The following ESRRB variants were observed in gnomAD, a reference collection of about 807,000 sequenced individuals.
ESRRB encodes steroid hormone receptor ERR2.
Under a neutral mutation model 46.0 loss-of-function variants are expected in ESRRB, and 16 were observed. That is an observed-to-expected ratio of 0.35 (90% CI 0.24 to 0.53). The LOEUF (loss-of-function observed/expected upper bound fraction) is 0.53, where lower values mean the gene tolerates loss of function less well. Ranked by LOEUF, ESRRB falls within the 20% of genes least tolerant of loss-of-function variation. The probability of loss-of-function intolerance (pLI) is 0.93; values close to 1 mark genes in which losing one functional copy is unlikely to be tolerated. For synonymous variants in ESRRB, 246 were observed against 259.6 expected, an observed-to-expected ratio of 0.95 and a Z score of 0.50; for missense variants, 488 against 607.4, an observed-to-expected ratio of 0.80 and a Z score of 2.07.
intron 3 of ESRRB, among the ~76,000 whole-genome samples, chr14:76,477,184 G>A (rs1334534670): frequency 1.3e-5 from 2 of 152,198 alleles, no homozygotes; most frequent in African/African-American, 4.8e-5. Context: ...TGTGTCACAG[G>A]ACCCTCCCAC....
intron 6 of ESRRB, among the ~76,000 whole-genome samples, chr14:76,492,708 A>G (rs1365066301): frequency 6.6e-6 from 1 of 152,230 alleles, no homozygotes; most frequent in African/African-American, 2.4e-5. Context: ...TTTCTTGAAC[A>G]CAGGAGGATA....
intron 1 of ESRRB, among the ~76,000 whole-genome samples, chr14:76,399,539 T>C (rs1885846577): frequency 6.6e-6 from 1 of 152,196 alleles, no homozygotes; most frequent in Non-Finnish European, 1.5e-5. Flanking sequence ...GCAAGTCTCC[T>C]TCCATTCCGG....
chr14:76,462,191 G>A (rs1888895143), intron 2 of ESRRB, among the ~76,000 whole-genome samples: 1 of 150,852 alleles, frequency 6.6e-6, no homozygotes, highest in African/African-American at 2.4e-5. Context: ...TGGTGGTAGT[G>A]GTGGTCTGCA....
chr14:76,339,703 C>A (rs1566855732), intron 1 of ESRRB, among the ~76,000 whole-genome samples: 2 of 152,178 alleles, frequency 1.3e-5, no homozygotes, highest in Non-Finnish European at 2.9e-5. Flanking sequence ...TGGAGCCGAC[C>A]CAGGCTGGGG....
At chr14:76,436,184 C>T (rs974586968) in intron 1 of ESRRB, among the ~76,000 whole-genome samples, 3 of 152,196 alleles carry the variant, frequency 2.0e-5, no homozygotes, top group African/African-American at 7.2e-5. Flanking sequence ...CAAACCGCCG[C>T]CTGCTCTGGT....
At chr14:76,467,651 T>G (rs1889175917) in intron 3 of ESRRB, among the ~76,000 whole-genome samples, 1 of 152,120 alleles carries the variant, frequency 6.6e-6, no homozygotes, top group African/African-American at 2.4e-5. Context: ...GTGGGAATCT[T>G]AAAAGACGGC....
chr14:76,377,646 A>T (rs1257134023), intron 1 of ESRRB, among the ~76,000 whole-genome samples: 1 of 151,798 alleles, frequency 6.6e-6, no homozygotes, highest in African/African-American at 2.4e-5. Context: ...CCGTGCTTTC[A>T]TTTGTGTACC....
At chr14:76,495,781 G>A (rs1399654380) in intron 6 of ESRRB, among the ~76,000 whole-genome samples, 1 of 152,030 alleles carries the variant, frequency 6.6e-6, no homozygotes, top group African/African-American at 2.4e-5. Context: ...AAAACCAGAT[G>A]TACAAAACAT....
chr14:76,473,408 C>T (rs1730550936), intron 3 of ESRRB, among the ~76,000 whole-genome samples: 1 of 152,212 alleles, frequency 6.6e-6, no homozygotes, highest in Non-Finnish European at 1.5e-5. Flanking sequence ...ATCTTGACCT[C>T]AGACCTGGAT....
At chr14:76,337,520 C>T (rs1185514397) in intron 1 of ESRRB, among the ~76,000 whole-genome samples, 1 of 152,094 alleles carries the variant, frequency 6.6e-6, no homozygotes, top group African/African-American at 2.4e-5. Context: ...ATCCATAGAA[C>T]CTTCTAGAAA....
intron 1 of ESRRB, among the ~76,000 whole-genome samples, chr14:76,346,907 C>A (rs570332066): frequency 7.2e-5 from 11 of 152,318 alleles, no homozygotes; most frequent in Non-Finnish European, 8.8e-5. Context: ...ATGAATCAAG[C>A]CCCACTGTCT....
In ESRRB at chr14:76,498,245, C is replaced by G; in HGVS notation, c.1152C>G (p.Val384=). ...DSMYIEDLEA[V]QKLQDLLHEA... ...TGTACATCGAGGATCTAGAGGCTGTCCAGAAGCTGCAGGACCTGCTGCACG... is the reference window on the plus strand; with the variant it reads ...TGTACATCGAGGATCTAGAGGCTGTGCAGAAGCTGCAGGACCTGCTGCACG... The change falls in exon 7 of 7, where the codon GTC becomes GTG. Residue 384 remains valine (V), a synonymous_variant. Transcript: ENST00000644823. The G allele has an allele frequency of 6.2e-7, 1 of 1,613,884 alleles. No individual in the cohort carries two copies. Among genetic ancestry groups the G allele is most frequent in the South Asian group, 1.1e-5 (1 of 91,066 alleles).
chr14:76,406,425 G>C (rs1886187036), intron 1 of ESRRB, among the ~76,000 whole-genome samples: 1 of 152,074 alleles, frequency 6.6e-6, no homozygotes, highest in South Asian at 2.1e-4. Context: ...CTTCATTAAA[G>C]ATTCTACTCA....
intron 1 of ESRRB, among the ~76,000 whole-genome samples, chr14:76,352,176 T>C (rs77982026): frequency 2.5e-4 from 38 of 152,070 alleles, no homozygotes; most frequent in African/African-American, 9.2e-4. Flanking sequence ...CTTACCCTCC[T>C]TTACCCGCCT....
intron 3 of ESRRB, among the ~76,000 whole-genome samples, chr14:76,466,332 T>G (rs1169061003): frequency 6.6e-6 from 1 of 152,124 alleles, no homozygotes; most frequent in Non-Finnish European, 1.5e-5. Context: ...TTTCCTTTCT[T>G]AGGTAAAATA....
At chr14:76,355,864 G>T (rs762602910) in intron 1 of ESRRB, among the ~76,000 whole-genome samples, 43 of 152,234 alleles carry the variant, frequency 2.8e-4, no homozygotes, top group Admixed American at 1.2e-3. Context: ...AGAAAATGAG[G>T]CATGGTGAAT....
chr14:76,333,091 ATATATT>A (rs1884066554), intron 1 of ESRRB, among the ~76,000 whole-genome samples: 1 of 5,152 alleles, frequency 1.9e-4, no homozygotes, highest in Non-Finnish European at 3.6e-4. Flanking sequence ...TATTTATATT[ATATATT>A]ATATATAATA....
intron 1 of ESRRB, among the ~76,000 whole-genome samples, chr14:76,414,169 C>A (rs1373109204): frequency 5.2e-5 from 1 of 19,232 alleles, no homozygotes; most frequent in Non-Finnish European, 1.1e-4. Flanking sequence ...CCGTCCCCCC[C>A]GCCCCTGCAA....
chr14:76,477,059 T>C (rs933769813), intron 3 of ESRRB, among the ~76,000 whole-genome samples: 5 of 152,128 alleles, frequency 3.3e-5, no homozygotes, highest in African/African-American at 1.2e-4. Flanking sequence ...ACCACTGCAG[T>C]CCGGCCTGGG....
Sources: gnomAD v4.1 joint callset for allele counts (sites outside exome capture counted in the v4.1 genomes callset) on GRCh38, gnomAD v4.1.1 for gene constraint, MANE v1.5 for transcripts, NCBI Gene and HGNC (gene_info 2026-07-23, HGNC 2026-07-21) for gene names.